Variants in PCDHA8 observed in about 807,000 individuals in gnomAD.
The protein encoded by PCDHA8 is protocadherin alpha 8.
A neutral mutation model predicts 61.8 loss-of-function variants in PCDHA8; 53 were observed. The observed-to-expected ratio is 0.86, with a 90% CI of 0.69 to 1.08. PCDHA8 has a LOEUF of 1.08. Ranked by LOEUF, PCDHA8 falls within the 50% of genes least tolerant of loss-of-function variation. PCDHA8 has a pLI of 0.00. For missense variants in PCDHA8, 1,293 were observed against 1,245.0 expected (o/e 1.04, Z -0.58); for synonymous variants, 618 against 556.6 (o/e 1.11, Z -1.55).
intron 1 of PCDHA8, among the ~76,000 whole-genome samples, chr5:140,891,762 G>C (rs554912268): frequency 1.5e-3 from 234 of 152,268 alleles, no homozygotes; most frequent in African/African-American, 4.9e-3. Context: ...GTTGGGAGGT[G>C]GGGAATTTCA....
At chr5:140,960,511 C>T (rs2153725482) in intron 1 of PCDHA8, among the ~76,000 whole-genome samples, 1 of 152,156 alleles carries the variant, frequency 6.6e-6, no homozygotes, top group East Asian at 1.9e-4. Context: ...AAGCAGCAAA[C>T]ATAATGGGTA....
chr5:140,884,792 G>A, intron 1 of PCDHA8: 1 of 1,312,776 alleles, frequency 7.6e-7, no homozygotes. Flanking sequence ...AGTTGTTATC[G>A]AATTTAACAA....
At chr5:140,926,854 G>C (rs1554203742) in intron 1 of PCDHA8, 3 of 1,520,530 alleles carry the variant, frequency 2.0e-6, no homozygotes, top group South Asian at 2.6e-5. Flanking sequence ...GTCACCGTTG[G>C]TGTAGCGTGT....
At chr5:140,884,166 C>G (rs1554181300) in intron 1 of PCDHA8, 2 of 1,613,430 alleles carry the variant, frequency 1.2e-6, no homozygotes, top group Non-Finnish European at 8.5e-7. Flanking sequence ...GAGATCAGCA[C>G]GACGCGCCCT....
chr5:140,884,547 C>G, intron 1 of PCDHA8: 1 of 1,614,214 alleles, frequency 6.2e-7, no homozygotes, highest in East Asian at 2.2e-5. Context: ...AGGGTGTGCT[C>G]TGGGGAGGGC....
chr5:140,998,446 T>C (rs1266567801), intron 3 of PCDHA8, among the ~76,000 whole-genome samples: 1 of 152,248 alleles, frequency 6.6e-6, no homozygotes, highest in African/African-American at 2.4e-5. Flanking sequence ...TTATTGTATT[T>C]ATTCATTTAC....
At chr5:140,954,498 G>T (rs2095045375) in intron 1 of PCDHA8, among the ~76,000 whole-genome samples, 1 of 152,156 alleles carries the variant, frequency 6.6e-6, no homozygotes, top group Non-Finnish European at 1.5e-5. Context: ...TTGTGGTTTT[G>T]ATTTGCATTT....
intron 1 of PCDHA8, among the ~76,000 whole-genome samples, chr5:140,975,653 A>T (rs2096676885): frequency 6.6e-6 from 1 of 152,230 alleles, no homozygotes; most frequent in South Asian, 2.1e-4. Context: ...TATTTCATTG[A>T]GTAGTTGTGT....
intron 1 of PCDHA8, chr5:140,871,680 A>G: frequency 9.0e-7 from 1 of 1,108,842 alleles, no homozygotes; most frequent in Admixed American, 3.1e-5. Flanking sequence ...AATCATATGA[A>G]TAATCTGGCT....
At chr5:140,926,598 G>A (rs2083387215) in intron 1 of PCDHA8, 1 of 313,802 alleles carries the variant, frequency 3.2e-6, no homozygotes. Flanking sequence ...CGGGCGGGCG[G>A]CCTCGTCTCT....
chr5:140,898,506 G>A (rs1185053384), intron 1 of PCDHA8, among the ~76,000 whole-genome samples: 2 of 152,132 alleles, frequency 1.3e-5, no homozygotes, highest in Admixed American at 1.3e-4. Context: ...TTGTAGATAT[G>A]CGGCGTTATT....
chr5:140,966,934 G>A (rs782780798), intron 1 of PCDHA8: 6 of 1,604,080 alleles, frequency 3.7e-6, no homozygotes, highest in South Asian at 2.2e-5. Flanking sequence ...CACCCGGCGC[G>A]CTCGTGGGCA....
intron 1 of PCDHA8, among the ~76,000 whole-genome samples, chr5:140,931,196 A>T (rs1279027493): frequency 1.3e-5 from 2 of 152,182 alleles, no homozygotes; most frequent in Non-Finnish European, 2.9e-5. Flanking sequence ...GTGCACTACA[A>T]TGCTAGTATT....
In PCDHA8 at chr5:140,876,415, G is replaced by T; in HGVS notation, c.2394+32700G>T. On this transcript the variant is annotated intron_variant, in intron 1 of 3. Transcript: ENST00000531613. Reference sequence around the variant, plus strand: ...TGAACTGGATTTTGAAGAGAATAATGCCTATGAAATTCAGGTTAACGCCAT... The same window carrying T: ...TGAACTGGATTTTGAAGAGAATAATTCCTATGAAATTCAGGTTAACGCCAT... The T allele has an allele frequency of 2.5e-6, 4 of 1,613,960 alleles. 1 individual carries two copies. The highest frequency in any genetic ancestry group is 3.4e-6 in the Non-Finnish European group (4 of 1,179,898).
intron 1 of PCDHA8, chr5:140,967,575 C>T: frequency 6.2e-7 from 1 of 1,614,156 alleles, no homozygotes. Context: ...CGGGAGGACT[C>T]ACCCCCAGGC....
At position 140,870,457 on chromosome 5, in the gene PCDHA8, C is replaced by T. The variant is rs2052038650; in HGVS notation, c.2394+26742C>T. 3.1e-6 allele frequency: 5 copies of T among 1,614,110 alleles called. No individual in the cohort carries two copies. Among genetic ancestry groups the T allele is most frequent in the African/African-American group, 1.3e-5 (1 of 74,948 alleles). ...GGTGGCCGACGTGAACGACAATGCG[C>T]CTGCGTTCGCACAGCCCGAGTACAC... On this transcript the variant is annotated intron_variant, in intron 1 of 3. Coordinates refer to ENST00000531613, the MANE Select transcript of PCDHA8 (RefSeq NM_018911.3).
intron 1 of PCDHA8, among the ~76,000 whole-genome samples, chr5:140,890,896 T>A (rs2062845405): frequency 6.6e-6 from 1 of 152,182 alleles, no homozygotes; most frequent in African/African-American, 2.4e-5. Context: ...ATTATTGTCT[T>A]TCCATGTTAG....
At chr5:140,887,072 C>T (rs1270434147) in intron 1 of PCDHA8, among the ~76,000 whole-genome samples, 1 of 151,836 alleles carries the variant, frequency 6.6e-6, no homozygotes, top group African/African-American at 2.4e-5. Context: ...CAAATTCACT[C>T]AGCTTTTGTC....
intron 3 of PCDHA8, among the ~76,000 whole-genome samples, chr5:141,007,994 T>G (rs1339008337): frequency 5.9e-5 from 9 of 152,262 alleles, no homozygotes. Flanking sequence ...GAAATGTACA[T>G]GTTAATAAAC....
Sources: allele counts gnomAD v4.1 joint callset (sites outside exome capture counted in the v4.1 genomes callset), GRCh38; gene constraint gnomAD v4.1.1; transcripts MANE v1.5; gene names NCBI Gene and HGNC (gene_info 2026-07-23, HGNC 2026-07-21).